BRDT: variants seen among roughly 807,000 people sequenced by gnomAD.
BRDT encodes bromodomain testis-specific protein.
Under a neutral mutation model 113.9 loss-of-function variants are expected in BRDT, and 77 were observed. The observed-to-expected ratio is 0.68, with a 90% confidence interval of 0.56 to 0.82. BRDT has a LOEUF of 0.82. Ranked by LOEUF, BRDT falls within the 40% of genes least tolerant of loss-of-function variation. The pLI, the probability that BRDT is intolerant of heterozygous loss-of-function variation, is 0.00. For missense variants in BRDT, 1,027 were observed against 1,105.4 expected (o/e 0.93, Z 1.01); for synonymous variants, 358 against 366.5 (o/e 0.98, Z 0.26).
At chr1:91,966,954 A>G (rs894970408) in intron 3 of BRDT, among the ~76,000 whole-genome samples, 1 of 152,106 alleles carries the variant, frequency 6.6e-6, no homozygotes, top group African/African-American at 2.4e-5. Context: ...CTGTAATCCC[A>G]GGTACTCAGG....
rs775734915 is a variant in BRDT, at chr1:91,980,888, G to A, written c.1461-1G>A. On this transcript the variant is annotated splice_acceptor_variant, in intron 9 of 18. Transcript: ENST00000399546. LOFTEE classifies it high-confidence loss of function. The stretch of plus-strand genomic sequence containing the variant: ...TGGACTAAATTTAGTTTTTGTTACA[G>A]TCAGCCAAAGAAAAGGAAACAACAG... The A allele has an allele frequency of 6.3e-7, 1 of 1,598,002 alleles. No homozygotes were observed. Among genetic ancestry groups the A allele is most frequent in the East Asian group, 2.2e-5 (1 of 44,728 alleles).
chr1:91,991,764 G>A (rs537079437), intron 13 of BRDT, among the ~76,000 whole-genome samples: 48 of 152,056 alleles, frequency 3.2e-4, no homozygotes, highest in African/African-American at 7.5e-4. Flanking sequence ...AGGCCGAGGC[G>A]GGCAGATCAT....
Position 91,978,093 on chromosome 1 carries a change from G to T in BRDT, c.970-75G>T. ...GTATATTTGAATTATTTTGTAATATGAACATTTAATGTACGTGGTCAAATA... is the reference window on the plus strand; with the variant it reads ...GTATATTTGAATTATTTTGTAATATTAACATTTAATGTACGTGGTCAAATA... On this transcript the variant is annotated intron_variant, in intron 6 of 18. Coordinates refer to ENST00000399546, the MANE Select transcript of BRDT (RefSeq NM_207189.4). 2.3e-6 allele frequency: 3 copies of T among 1,332,868 alleles called. No homozygotes were observed. In the South Asian group the frequency reaches 4.3e-5, roughly 19 times the overall value. The allele number at this position is 1,332,868 out of a possible 1,614,324, so 82.6% of individuals were successfully genotyped here.
chr1:91,992,660 G>A (rs1031009650), intron 14 of BRDT, among the ~76,000 whole-genome samples: 94 of 152,100 alleles, frequency 6.2e-4, no homozygotes, highest in African/African-American at 2.1e-3. Context: ...CTCAGTCTCC[G>A]GAGTAGCTGA....
chr1:91,950,684 C>CCTT lies in BRDT; in HGVS notation c.-38+1002_-38+1003insCTT, dbSNP rs745690530. 647 of 80,438 alleles carry CCTT rather than the reference C, an allele frequency of 8.0e-3. 12 individuals are homozygous for CCTT. The highest frequency in any genetic ancestry group is 0.03 in the African/African-American group (627 of 20,690). The allele number at this position is 80,438 out of a possible 1,614,324, so 5.0% of individuals were successfully genotyped here. On this transcript the variant is annotated intron_variant, in intron 1 of 18. Transcript: ENST00000399546. ...AGTAGGATGTGACAGTGGATAATTG[C>CCTT]TTTTTTTTTTTTTTTTTTTTTTTTA... is the stretch of plus-strand genomic sequence containing the variant.
intron 18 of BRDT, among the ~76,000 whole-genome samples, chr1:92,012,063 CT>C (rs1687842157): frequency 6.6e-6 from 1 of 152,120 alleles, no homozygotes; most frequent in Non-Finnish European, 1.5e-5. Context: ...AATCTTAACA[CT>C]TTGAGAGGCC....
chr1:91,984,498 T>G lies in BRDT; in HGVS notation c.2002+2743T>G, dbSNP rs1462599439. On this transcript the variant is annotated intron_variant, in intron 12 of 18. Transcript: ENST00000399546. ...AAATTCTATGTCAAAGTTTCAAGCA[T>G]GGGCAGAATGAGGCTATTTACTAAG... Among the ~76,000 whole-genome samples the G allele has an allele frequency of 2.0e-5, 3 of 152,250 alleles. No individual in the cohort carries two copies. In the East Asian group the frequency reaches 5.8e-4, roughly 29 times the overall value.
Position 91,962,889 on chromosome 1 carries a change from G to A in BRDT, c.135G>A (p.Lys45=), listed in dbSNP as rs749293993. The stretch of plus-strand genomic sequence containing the variant: ...AAGTTGTCCTAAAGGATTTATGGAA[G>A]CATAGTTTTTCATGGCCCTTTCAAC... The part of the protein sequence containing the change: ...LQKVVLKDLW[K]HSFSWPFQRP... The change falls in exon 2 of 19, where the codon AAG becomes AAA. Residue 45 remains lysine, a synonymous_variant. Transcript: ENST00000399546. 1 of 1,611,924 alleles carries A rather than the reference G, an allele frequency of 6.2e-7. No individual in the cohort carries two copies.
rs540061869 is a variant in BRDT, at chr1:91,951,119, C to T, written c.-38+1437C>T. Among the ~76,000 whole-genome samples, 18 of 152,224 alleles carry T rather than the reference C, an allele frequency of 1.2e-4. 1 individual carries two copies. The highest frequency in any genetic ancestry group is 3.9e-4 in the East Asian group (2 of 5,182). On this transcript the variant is annotated intron_variant, in intron 1 of 18. Coordinates refer to ENST00000399546, the MANE Select transcript of BRDT (RefSeq NM_207189.4). ...AACTACAGCCTGAACTGACCTCAAG[C>T]GATTCTTCTGCCTAAGCCTACTGGC... is the stretch of plus-strand genomic sequence containing the variant.
chr1:91,968,073 T>G (rs1683249310), intron 3 of BRDT, 73 bp from the exon 4 acceptor site: 7 of 1,488,196 alleles, frequency 4.7e-6, no homozygotes, highest in Non-Finnish European at 1.8e-6. Context: ...TTCCATAAAG[T>G]GGGCTGAATT....
chr1:91,987,193 T>C (rs369484984), intron 12 of BRDT, among the ~76,000 whole-genome samples: 19 of 152,172 alleles, frequency 1.2e-4, no homozygotes, highest in Non-Finnish European at 2.4e-4. Context: ...GTGCTGGGAT[T>C]ACAGGCATGA....
intron 1 of BRDT, among the ~76,000 whole-genome samples, chr1:91,951,473 G>A (rs182271341): frequency 5.3e-5 from 8 of 151,736 alleles, no homozygotes; most frequent in Non-Finnish European, 8.8e-5. Context: ...GCAGGGTGGC[G>A]GGGGGGCGTG....
chr1:92,003,356 A>G (rs989128173), intron 16 of BRDT, among the ~76,000 whole-genome samples: 3 of 152,118 alleles, frequency 2.0e-5, no homozygotes, highest in Non-Finnish European at 4.4e-5. Flanking sequence ...ATTATTAAGG[A>G]GATAATTATT....
At chr1:91,959,880 A>G (rs1031008818) in intron 1 of BRDT, among the ~76,000 whole-genome samples, 1 of 152,226 alleles carries the variant, frequency 6.6e-6, no homozygotes, top group African/African-American at 2.4e-5. Flanking sequence ...TTAATGTAGT[A>G]GTACTCAATC....
chr1:92,011,532 G>A (rs976564687), intron 18 of BRDT, among the ~76,000 whole-genome samples: 5 of 151,736 alleles, frequency 3.3e-5, no homozygotes, highest in Non-Finnish European at 5.9e-5. Flanking sequence ...GAGCTACCAC[G>A]CCCAGCCGAC....
intron 15 of BRDT, among the ~76,000 whole-genome samples, chr1:91,998,242 A>G (rs1442014999): frequency 2.0e-5 from 3 of 152,182 alleles, no homozygotes; most frequent in Non-Finnish European, 4.4e-5. Context: ...CATCCTCAGC[A>G]AACTAATACA....
intron 12 of BRDT, among the ~76,000 whole-genome samples, chr1:91,983,711 C>T (rs1310012038): frequency 6.9e-6 from 1 of 145,950 alleles, no homozygotes; most frequent in African/African-American, 2.5e-5. Context: ...TTTTTTGAGA[C>T]GGATTCTCAC....
At chr1:91,995,937 G>A (rs1448594377) in intron 15 of BRDT, among the ~76,000 whole-genome samples, 1 of 152,060 alleles carries the variant, frequency 6.6e-6, no homozygotes, top group Non-Finnish European at 1.5e-5. Flanking sequence ...TTTAATTAAA[G>A]TTATATCTCT....
intron 15 of BRDT, among the ~76,000 whole-genome samples, chr1:91,997,322 C>A (rs745716799): frequency 1.3e-5 from 2 of 152,024 alleles, no homozygotes; most frequent in Non-Finnish European, 2.9e-5. Flanking sequence ...GTAAAGCATT[C>A]TTTGAAGAAC....
Sources: gnomAD v4.1 joint callset for allele counts (sites outside exome capture counted in the v4.1 genomes callset) on GRCh38, gnomAD v4.1.1 for gene constraint, MANE v1.5 for transcripts, NCBI Gene and HGNC (gene_info 2026-07-23, HGNC 2026-07-21) for gene names.